The following DTNA variants were observed in gnomAD, a reference collection of about 807,000 sequenced individuals.
DTNA encodes dystrophin-related protein 3.
In DTNA, 43 loss-of-function variants were observed where a neutral mutation model predicts 100.7. The observed-to-expected ratio is 0.43, with a 90% confidence interval of 0.33 to 0.55. The LOEUF (loss-of-function observed/expected upper bound fraction) is 0.55, where lower values mean the gene tolerates loss of function less well. Among genes scored for constraint, DTNA ranks in the 20% least tolerant of loss-of-function variants. DTNA has a pLI of 0.04. For missense variants in DTNA, 798 were observed against 953.9 expected, an observed-to-expected ratio of 0.84 and a Z score of 2.15; for synonymous variants, 349 against 347.9, an observed-to-expected ratio of 1.00 and a Z score of -0.04.
chr18:34,814,183 C>T (rs1198916117), intron 6 of DTNA, among the ~76,000 whole-genome samples: 2 of 152,072 alleles, frequency 1.3e-5, no homozygotes, highest in Admixed American at 1.3e-4. Flanking sequence ...TTCATATTTA[C>T]AAATATGCAG....
At chr18:34,787,015 A>G (rs562168620) in intron 3 of DTNA, among the ~76,000 whole-genome samples, 94 of 152,348 alleles carry the variant, frequency 6.2e-4, no homozygotes, top group Admixed American at 1.2e-3. Context: ...AATGCAGATT[A>G]CGATTTTCTA....
chr18:34,667,412 T>A (rs937515938), intron 1 of DTNA, among the ~76,000 whole-genome samples: 8 of 152,212 alleles, frequency 5.3e-5, no homozygotes, highest in African/African-American at 1.4e-4. Flanking sequence ...GAATACCCTT[T>A]ATTTCCTTCT....
chr18:34,548,854 A>C (rs1175754262), intron 1 of DTNA, among the ~76,000 whole-genome samples: 1 of 152,114 alleles, frequency 6.6e-6, no homozygotes, highest in Non-Finnish European at 1.5e-5. Flanking sequence ...CCAATTCAAT[A>C]CTTTACCCTT....
At chr18:34,497,194 G>T (rs79972565) in intron 1 of DTNA, among the ~76,000 whole-genome samples, 8,688 of 152,202 alleles carry the variant, frequency 0.057, 345 homozygotes, top group Non-Finnish European at 0.076. Context: ...TTGATAAAGT[G>T]CCAGGATGTC....
chr18:34,804,613 G>A (rs1455514704), intron 4 of DTNA, among the ~76,000 whole-genome samples: 1 of 152,114 alleles, frequency 6.6e-6, no homozygotes, highest in African/African-American at 2.4e-5. Context: ...CTAGGTACAT[G>A]GTGTTTCTAA....
chr18:34,573,492 T>G (rs1298578422), intron 1 of DTNA, among the ~76,000 whole-genome samples: 1 of 152,240 alleles, frequency 6.6e-6, no homozygotes, highest in East Asian at 1.9e-4. Flanking sequence ...GGCTACATGT[T>G]GTCATACTCT....
At chr18:34,685,669 G>T (rs1410323636) in intron 1 of DTNA, among the ~76,000 whole-genome samples, 1 of 152,064 alleles carries the variant, frequency 6.6e-6, no homozygotes, top group Non-Finnish European at 1.5e-5. Context: ...TTCTAATTCT[G>T]TGAAGAAAAT....
chr18:34,779,222 T>A (rs2094204804), intron 3 of DTNA, among the ~76,000 whole-genome samples: 1 of 152,140 alleles, frequency 6.6e-6, no homozygotes, highest in African/African-American at 2.4e-5. Context: ...TAAGAATTGT[T>A]TTGTGTCTTA....
intron 1 of DTNA, among the ~76,000 whole-genome samples, chr18:34,722,606 T>TACACACACAC (rs71166022): frequency 0.015 from 2,159 of 147,198 alleles, 49 homozygotes; most frequent in African/African-American, 0.051. Flanking sequence ...TATATATACA[T>TACACACACAC]ACACACACAC....
chr18:34,624,083 G>T (rs564826265), intron 1 of DTNA, among the ~76,000 whole-genome samples: 1 of 152,198 alleles, frequency 6.6e-6, no homozygotes, highest in South Asian at 2.1e-4. Flanking sequence ...GACTGTCCAA[G>T]TCTATGAAAA....
intron 1 of DTNA, among the ~76,000 whole-genome samples, chr18:34,590,007 A>G (rs2146884612): frequency 6.6e-6 from 1 of 152,298 alleles, no homozygotes; most frequent in Admixed American, 6.5e-5. Context: ...TTCCTCTGTC[A>G]TTGAACACTT....
intron 1 of DTNA, among the ~76,000 whole-genome samples, chr18:34,666,111 A>C (rs1030927079): frequency 1.3e-5 from 2 of 152,206 alleles, no homozygotes; most frequent in African/African-American, 4.8e-5. Flanking sequence ...AATGATTGCT[A>C]TTCTAACTGG....
intron 1 of DTNA, among the ~76,000 whole-genome samples, chr18:34,506,897 C>T (rs2040547255): frequency 6.6e-6 from 1 of 152,140 alleles, no homozygotes; most frequent in African/African-American, 2.4e-5. Context: ...TCCTTCTTCA[C>T]AGAAGCAAAA....
chr18:34,555,798 A>G (rs987352146), intron 1 of DTNA, among the ~76,000 whole-genome samples: 3 of 152,170 alleles, frequency 2.0e-5, no homozygotes, highest in Non-Finnish European at 4.4e-5. Context: ...ACTTCCAAGT[A>G]TGTGGTCAAT....
intron 1 of DTNA, among the ~76,000 whole-genome samples, chr18:34,534,991 C>A (rs2043539462): frequency 6.6e-6 from 1 of 152,074 alleles, no homozygotes; most frequent in Non-Finnish European, 1.5e-5. Flanking sequence ...GATTTATAAT[C>A]CTTTGGGTAT....
At chr18:34,828,982 G>A in intron 10 of DTNA, 2 of 1,586,648 alleles carry the variant, frequency 1.3e-6, no homozygotes, top group Admixed American at 1.7e-5. Flanking sequence ...TCTGCATTCT[G>A]CAAATATCAA....
At chr18:34,757,642 C>T (rs2092870720) in intron 2 of DTNA, among the ~76,000 whole-genome samples, 1 of 152,124 alleles carries the variant, frequency 6.6e-6, no homozygotes, top group African/African-American at 2.4e-5. Context: ...TTACAAATGT[C>T]TATTGGATTA....
At chr18:34,778,033 A>T (rs1357143153) in intron 3 of DTNA, among the ~76,000 whole-genome samples, 1 of 152,206 alleles carries the variant, frequency 6.6e-6, no homozygotes. Flanking sequence ...TATGACTAGA[A>T]GGCCATGTGA....
In DTNA at chr18:34,701,729, T is replaced by A. The variant is rs535827401; in HGVS notation, c.-1-54247T>A. On this transcript the variant is annotated intron_variant, in intron 1 of 19. Transcript: ENST00000283365. ...TTAAAGTAAATGGCATCTCCATTTA[T>A]CTCAGAATGCTGGGAGGTTGTTTAA... Among the ~76,000 whole-genome samples, 44 of 152,332 alleles carry A rather than the reference T, an allele frequency of 2.9e-4. 1 individual carries two copies. The highest frequency in any genetic ancestry group is 2.7e-3 in the Admixed American group (41 of 15,302).
Sources: allele counts gnomAD v4.1 joint callset (sites outside exome capture counted in the v4.1 genomes callset), GRCh38; gene constraint gnomAD v4.1.1; transcripts MANE v1.5; gene names NCBI Gene and HGNC (gene_info 2026-07-23, HGNC 2026-07-21).